PRKCE: variants seen among roughly 807,000 people sequenced by gnomAD.
PRKCE encodes protein kinase C epsilon.
PRKCE carries 16 observed loss-of-function variants against 85.4 expected under a neutral mutation model. The observed-to-expected ratio is 0.19, with a 90% confidence interval of 0.13 to 0.28. The LOEUF (loss-of-function observed/expected upper bound fraction) is 0.28, where lower values mean the gene tolerates loss of function less well. Ranked by LOEUF, PRKCE falls within the 10% of genes least tolerant of loss-of-function variation. The probability of loss-of-function intolerance (pLI) is 1.00; values close to 1 mark genes in which losing one functional copy is unlikely to be tolerated. For missense variants in PRKCE, 573 were observed against 975.2 expected, an observed-to-expected ratio of 0.59 and a Z score of 5.49; for synonymous variants, 388 against 371.5, an observed-to-expected ratio of 1.04 and a Z score of -0.51.
intron 2 of PRKCE, among the ~76,000 whole-genome samples, chr2:45,939,561 CT>C (rs35070039): frequency 2.1e-4 from 31 of 148,848 alleles, no homozygotes; most frequent in East Asian, 5.9e-4. Context: ...AGTTAATGCA[CT>C]TTTTTTTTTT....
chr2:45,960,149 C>A (rs1214246535), intron 2 of PRKCE, among the ~76,000 whole-genome samples: 2 of 152,104 alleles, frequency 1.3e-5, no homozygotes, highest in Non-Finnish European at 2.9e-5. Context: ...GGGAAAACCT[C>A]CATTTCATAT....
At chr2:46,018,416 G>A (rs1706350790) in intron 10 of PRKCE, among the ~76,000 whole-genome samples, 2 of 152,076 alleles carry the variant, frequency 1.3e-5, no homozygotes, top group Non-Finnish European at 2.9e-5. Context: ...GTTACAGTGA[G>A]CCGAGATCCC....
chr2:45,941,065 T>TAAAAAAAAACAAAAAA (rs1699841111), intron 2 of PRKCE, among the ~76,000 whole-genome samples: 1 of 67,162 alleles, frequency 1.5e-5, no homozygotes, highest in African/African-American at 6.0e-5. Context: ...GACTTCATCC[T>TAAAAAAAAACAAAAAA]AAAAAAAAAA....
chr2:46,087,045 T>C (rs886924098), intron 11 of PRKCE, among the ~76,000 whole-genome samples: 13 of 152,196 alleles, frequency 8.5e-5, no homozygotes, highest in Admixed American at 6.5e-5. Flanking sequence ...GGAGTAAATA[T>C]TTATAATTAG....
chr2:46,178,474 T>C (rs772437567), intron 14 of PRKCE, among the ~76,000 whole-genome samples: 7 of 152,254 alleles, frequency 4.6e-5, no homozygotes, highest in Non-Finnish European at 1.0e-4. Context: ...TTCTCATTTT[T>C]GCCAGGCAGG....
At chr2:45,750,561 G>A (rs1368595745) in intron 1 of PRKCE, among the ~76,000 whole-genome samples, 3 of 152,224 alleles carry the variant, frequency 2.0e-5, no homozygotes, top group Admixed American at 6.5e-5. Flanking sequence ...GACAAGTTAT[G>A]TGACTTCTCT....
chr2:46,023,110 A>AAAAAAAAAC (rs1558972435), intron 10 of PRKCE, among the ~76,000 whole-genome samples: 1 of 150,486 alleles, frequency 6.6e-6, no homozygotes. Context: ...AAAAAAAAAA[A>AAAAAAAAAC]TCATCTATAT....
intron 1 of PRKCE, among the ~76,000 whole-genome samples, chr2:45,680,385 G>A (rs1339109276): frequency 6.6e-6 from 1 of 152,172 alleles, no homozygotes; most frequent in Non-Finnish European, 1.5e-5. Flanking sequence ...TGTGAGAATG[G>A]AAAAAGAGAA....
chr2:46,036,878 T>C (rs768532928), intron 10 of PRKCE, among the ~76,000 whole-genome samples: 1 of 152,204 alleles, frequency 6.6e-6, no homozygotes, highest in Non-Finnish European at 1.5e-5. Flanking sequence ...GGGCTATGTG[T>C]AGAGGGCCTC....
intron 10 of PRKCE, among the ~76,000 whole-genome samples, chr2:46,011,761 C>G (rs970891805): frequency 1.7e-4 from 26 of 152,016 alleles, no homozygotes; most frequent in Non-Finnish European, 2.6e-4. Flanking sequence ...GGTCCCCCAT[C>G]TCTCTCTTAC....
chr2:45,763,075 C>T (rs1217533334), intron 1 of PRKCE, among the ~76,000 whole-genome samples: 1 of 152,130 alleles, frequency 6.6e-6, no homozygotes, highest in Non-Finnish European at 1.5e-5. Context: ...CCTCATCAGC[C>T]TCCTGAGTAG....
chr2:45,667,418 G>A (rs999059954), intron 1 of PRKCE, among the ~76,000 whole-genome samples: 1 of 152,098 alleles, frequency 6.6e-6, no homozygotes, highest in Admixed American at 6.5e-5. Flanking sequence ...AAAGTGCTGG[G>A]ATTATAGGCG....
At chr2:45,937,718 G>GAA (rs557911422) in intron 2 of PRKCE, among the ~76,000 whole-genome samples, 2 of 141,814 alleles carry the variant, frequency 1.4e-5, no homozygotes, top group Non-Finnish European at 3.1e-5. Flanking sequence ...CCGTCTCAAA[G>GAA]AAAAAAAAAA....
chr2:46,185,929 A>G lies in PRKCE; in HGVS notation c.*1048A>G, dbSNP rs897831736. On this transcript the variant is annotated 3_prime_UTR_variant, in exon 15 of 15. Coordinates refer to ENST00000306156, the MANE Select transcript of PRKCE (RefSeq NM_005400.3). This position sits in a 1 kb window ranked among gnomAD's most constrained non-coding sequence, Gnocchi z 4.7. ...CGCACTTATACAAAATGGTAGTACT[A>G]CTGTGTTGTGGTTTTTAAACATTAA... 2.0e-5 allele frequency: 3 copies of G among 152,236 alleles called. No individual in the cohort carries two copies. Among genetic ancestry groups the G allele is most frequent in the African/African-American group, 7.2e-5 (3 of 41,456 alleles). The allele number at this position is 152,236 out of a possible 1,614,324, so 9.4% of individuals were successfully genotyped here. A position where few individuals can be genotyped will look rare whatever the true frequency, so the allele number is the denominator to read the frequency against.
At chr2:46,148,620 G>A (rs754804115) in intron 12 of PRKCE, among the ~76,000 whole-genome samples, 1 of 152,246 alleles carries the variant, frequency 6.6e-6, no homozygotes, top group Non-Finnish European at 1.5e-5. Context: ...ATGCATGCTA[G>A]CCAGTCACAA....
chr2:45,807,208 A>G (rs1487430682), intron 1 of PRKCE, among the ~76,000 whole-genome samples: 4 of 152,208 alleles, frequency 2.6e-5, no homozygotes, highest in African/African-American at 7.2e-5. Context: ...CTATCTTGCA[A>G]TGTTGCTGTA....
chr2:46,159,813 G>A lies in PRKCE; in HGVS notation c.2067+61G>A, dbSNP rs1196872520. 2 of 1,583,278 alleles carry A rather than the reference G, an allele frequency of 1.3e-6. No individual in the cohort carries two copies. The highest frequency in any genetic ancestry group is 1.7e-6 in the Non-Finnish European group (2 of 1,172,320). ...TCGGGCCCAGGTACTTGCAGGACAG[G>A]CTGCGTGCACCCAGGAAGAGTTGGT... On this transcript the variant is annotated intron_variant, in intron 14 of 14. Coordinates refer to ENST00000306156, the MANE Select transcript of PRKCE (RefSeq NM_005400.3). The surrounding 1 kb of genome is among the most constrained non-coding windows in gnomAD (Gnocchi z 4.1).
intron 1 of PRKCE, among the ~76,000 whole-genome samples, chr2:45,695,751 A>G (rs967020573): frequency 1.3e-5 from 2 of 152,176 alleles, no homozygotes; most frequent in African/African-American, 4.8e-5. Context: ...AGCCTGGGCA[A>G]TGGAGTGAGA....
intron 5 of PRKCE, among the ~76,000 whole-genome samples, chr2:45,983,055 C>G (rs1347746263): frequency 6.6e-6 from 1 of 152,216 alleles, no homozygotes; most frequent in Non-Finnish European, 1.5e-5. Flanking sequence ...ACAGGCACAC[C>G]TAAGCTAGGC....
Sources: gnomAD v4.1 joint callset for allele counts (sites outside exome capture counted in the v4.1 genomes callset) on GRCh38, gnomAD v4.1.1 for gene constraint, Gnocchi (gnomAD v3.1) non-coding constraint, MANE v1.5 for transcripts, NCBI Gene and HGNC (gene_info 2026-07-23, HGNC 2026-07-21) for gene names.